The following NCAM2 variants were observed in gnomAD, a reference collection of about 807,000 sequenced individuals.
NCAM2 encodes neural cell adhesion molecule 2.
A neutral mutation model predicts 98.1 loss-of-function variants in NCAM2; 30 were observed. That is an observed-to-expected ratio of 0.31 (90% CI 0.23 to 0.41). The LOEUF is 0.41. Among genes scored for constraint, NCAM2 ranks in the 10% least tolerant of loss-of-function variants. NCAM2 has a pLI of 1.00. For synonymous variants in NCAM2, 368 were observed against 342.4 expected, an observed-to-expected ratio of 1.07 and a Z score of -0.83; for missense variants, 867 against 1,005.8, an observed-to-expected ratio of 0.86 and a Z score of 1.87.
chr21:21,036,506 A>T (rs1457233719), intron 1 of NCAM2, among the ~76,000 whole-genome samples: 2 of 152,190 alleles, frequency 1.3e-5, no homozygotes, highest in Non-Finnish European at 2.9e-5. Flanking sequence ...GATTAACAAG[A>T]AAAAACCATA....
At chr21:21,375,233 C>T (rs77470020) in intron 9 of NCAM2, among the ~76,000 whole-genome samples, 1 of 144,446 alleles carries the variant, frequency 6.9e-6, no homozygotes, top group Non-Finnish European at 1.5e-5. Context: ...AAAAAAAAAA[C>T]ACCCACTGAT....
chr21:21,094,955 G>C (rs2066090546), intron 1 of NCAM2, among the ~76,000 whole-genome samples: 1 of 151,676 alleles, frequency 6.6e-6, no homozygotes, highest in South Asian at 2.1e-4. Flanking sequence ...AAGTTCCTCT[G>C]AACATTGATG....
chr21:21,279,861 A>G (rs1253695432), intron 1 of NCAM2, among the ~76,000 whole-genome samples: 1 of 152,222 alleles, frequency 6.6e-6, no homozygotes, highest in Non-Finnish European at 1.5e-5. Context: ...GGAAGGTGAG[A>G]CGGAGTTTGG....
chr21:21,099,499 CA>C (rs2066194264), intron 1 of NCAM2, among the ~76,000 whole-genome samples: 3 of 151,800 alleles, frequency 2.0e-5, no homozygotes. Flanking sequence ...AAGTGCTAAG[CA>C]AAGGGTGGAG....
In NCAM2 at chr21:21,169,403, C is replaced by T. The variant is rs186933114; in HGVS notation, c.56-111175C>T. ...GCATCATAATGACATTTTAGGTACA[C>T]CAAAGGCACAATCTGTGAAAGAAAT... On this transcript the variant is annotated intron_variant, in intron 1 of 17. Transcript: ENST00000400546. Among the ~76,000 whole-genome samples, 25 of 152,132 alleles carry T rather than the reference C, an allele frequency of 1.6e-4. No individual in the cohort carries two copies. The East Asian group carries it at 4.6e-3, about 28-fold the overall frequency.
intron 1 of NCAM2, among the ~76,000 whole-genome samples, chr21:21,248,546 G>T (rs563567980): frequency 2.0e-5 from 3 of 151,970 alleles, no homozygotes; most frequent in South Asian, 4.2e-4. Flanking sequence ...GGAGGCCGAG[G>T]CAAGCGGGTC....
chr21:21,372,536 G>C (rs1007124323), intron 8 of NCAM2, among the ~76,000 whole-genome samples: 1 of 151,716 alleles, frequency 6.6e-6, no homozygotes, highest in African/African-American at 2.4e-5. Flanking sequence ...TCAGAGCCAA[G>C]ATATAAATGA....
chr21:21,247,608 G>A (rs2071326291), intron 1 of NCAM2, among the ~76,000 whole-genome samples: 1 of 152,066 alleles, frequency 6.6e-6, no homozygotes, highest in South Asian at 2.1e-4. Flanking sequence ...GATGAAATGA[G>A]TCACCCTGTA....
chr21:21,399,894 C>T (rs925014127), intron 9 of NCAM2, among the ~76,000 whole-genome samples: 2 of 151,944 alleles, frequency 1.3e-5, no homozygotes, highest in African/African-American at 4.8e-5. Context: ...GGAGGAATTA[C>T]AAAAGAAAGT....
chr21:21,302,912 A>G (rs962883717), intron 5 of NCAM2, among the ~76,000 whole-genome samples: 2 of 152,188 alleles, frequency 1.3e-5, no homozygotes, highest in Non-Finnish European at 2.9e-5. Context: ...ATGAAATACT[A>G]TGCAGCCATA....
chr21:21,522,962 A>G (rs1489543202), intron 16 of NCAM2, among the ~76,000 whole-genome samples: 1 of 152,156 alleles, frequency 6.6e-6, no homozygotes, highest in African/African-American at 2.4e-5. Context: ...GCTTTAAACT[A>G]GAAACTCAGG....
intron 1 of NCAM2, among the ~76,000 whole-genome samples, chr21:21,157,038 T>G (rs1344040366): frequency 2.7e-5 from 4 of 147,462 alleles, no homozygotes; most frequent in South Asian, 4.3e-4. Flanking sequence ...GAGCAGCAGC[T>G]GTATTCCTAC....
intron 12 of NCAM2, among the ~76,000 whole-genome samples, chr21:21,436,399 A>C (rs539972496): frequency 4.5e-4 from 68 of 152,338 alleles, no homozygotes; most frequent in African/African-American, 1.5e-3. Flanking sequence ...AGTCCTTGAA[A>C]GTGCTCTCAC....
intron 1 of NCAM2, among the ~76,000 whole-genome samples, chr21:21,264,521 CT>C (rs1280622976): frequency 6.6e-6 from 1 of 151,676 alleles, no homozygotes; most frequent in Non-Finnish European, 1.5e-5. Flanking sequence ...AAACAAATCA[CT>C]TTTCAAAATG....
chr21:21,122,114 A>T (rs529410092), intron 1 of NCAM2, among the ~76,000 whole-genome samples: 36 of 152,200 alleles, frequency 2.4e-4, no homozygotes, highest in African/African-American at 7.5e-4. Flanking sequence ...GAAGTTAGAT[A>T]TCAAAGGCAG....
chr21:21,066,662 TTTG>T (rs1364587652), intron 1 of NCAM2, among the ~76,000 whole-genome samples: 1 of 152,118 alleles, frequency 6.6e-6, no homozygotes, highest in Non-Finnish European at 1.5e-5. Context: ...TGTTGGCTTT[TTTG>T]TTGTTTCGTC....
intron 1 of NCAM2, among the ~76,000 whole-genome samples, chr21:21,043,336 T>C (rs1188029797): frequency 6.6e-6 from 1 of 152,158 alleles, no homozygotes; most frequent in Non-Finnish European, 1.5e-5. Flanking sequence ...TTTAATCATA[T>C]GTAAAATAAG....
chr21:21,339,947 T>TATAA (rs1186714700), intron 8 of NCAM2, among the ~76,000 whole-genome samples: 1 of 151,868 alleles, frequency 6.6e-6, no homozygotes, highest in Non-Finnish European at 1.5e-5. Flanking sequence ...AAATCAAATT[T>TATAA]ATAAAATGTG....
chr21:21,514,598 T>TA (rs1194657910), intron 16 of NCAM2, among the ~76,000 whole-genome samples: 1 of 152,140 alleles, frequency 6.6e-6, no homozygotes, highest in Non-Finnish European at 1.5e-5. Context: ...CTGAGGTCAG[T>TA]AAGGCCCTCT....
Sources: gnomAD v4.1 joint callset for allele counts (sites outside exome capture counted in the v4.1 genomes callset) on GRCh38, gnomAD v4.1.1 for gene constraint, MANE v1.5 for transcripts, NCBI Gene and HGNC (gene_info 2026-07-23, HGNC 2026-07-21) for gene names.